The following CCDC149 variants were observed in gnomAD, a reference collection of about 807,000 sequenced individuals.
The protein encoded by CCDC149 is coiled-coil domain-containing protein 149.
Under a neutral mutation model 59.9 loss-of-function variants are expected in CCDC149, and 45 were observed. The ratio of observed to expected loss-of-function variants is 0.75; its 90% CI spans 0.59 to 0.96. The LOEUF is 0.96. Among genes scored for constraint, CCDC149 ranks in the 40% least tolerant of loss-of-function variants. The pLI, the probability that CCDC149 is intolerant of heterozygous loss-of-function variation, is 0.00. For missense variants in CCDC149, 584 were observed against 664.7 expected (o/e 0.88, Z 1.33); for synonymous variants, 245 against 260.6 (o/e 0.94, Z 0.58).
At chr4:24,978,628 T>G (rs1203611361) in intron 1 of CCDC149, among the ~76,000 whole-genome samples, 1 of 152,136 alleles carries the variant, frequency 6.6e-6, no homozygotes, top group Admixed American at 6.6e-5. Flanking sequence ...TCTCCATGGT[T>G]GTTGTCTCTA....
intron 1 of CCDC149, among the ~76,000 whole-genome samples, chr4:24,891,915 C>CT (rs1448002048): frequency 1.3e-5 from 2 of 152,028 alleles, no homozygotes; most frequent in African/African-American, 4.8e-5. Context: ...GGGAGGATCC[C>CT]TTGAGCCCAG....
chr4:24,888,731 A>G (rs925130579), intron 1 of CCDC149, among the ~76,000 whole-genome samples: 3 of 152,148 alleles, frequency 2.0e-5, no homozygotes, highest in Non-Finnish European at 4.4e-5. Context: ...TGCAACATTA[A>G]CACCCTCGCA....
At chr4:24,873,052 T>C (rs1360103422) in intron 3 of CCDC149, among the ~76,000 whole-genome samples, 1 of 147,928 alleles carries the variant, frequency 6.8e-6, no homozygotes, top group African/African-American at 2.6e-5. Context: ...ACCCACCAAA[T>C]GGTGTGCACC....
At chr4:24,813,392 G>T (rs1248476204) in intron 12 of CCDC149, among the ~76,000 whole-genome samples, 2 of 150,820 alleles carry the variant, frequency 1.3e-5, no homozygotes, top group Non-Finnish European at 2.9e-5. Context: ...CCTTGCATCT[G>T]CCCACTCTTC....
rs757068818 is a variant in CCDC149 at position 24,808,703 on chromosome 4, G to C, written c.1309C>G (p.Gln437Glu). 1 of 1,552,320 alleles carries C rather than the reference G, an allele frequency of 6.4e-7. No homozygotes were observed. The highest frequency in any genetic ancestry group is 8.7e-7 in the Non-Finnish European group (1 of 1,147,134). ...AATGAAGGATGAAAGAGCTTGCATT[G>C]GTTCCCGCGGCTCTGATTTGCTGGG... The change falls in exon 13 of 13, where the codon CAA becomes GAA. Residue 437 changes from glutamine to glutamate, a missense_variant. Transcript: ENST00000635206.
chr4:24,892,007 A>C lies in CCDC149; in HGVS notation c.64-15310T>G, dbSNP rs568348516. ...GAGTGAGACCCTGTCTCAAAAAAGAAAAAAAGGTCAAAAGAAAATTCAGTA... is the reference window on the plus strand; with the variant it reads ...GAGTGAGACCCTGTCTCAAAAAAGACAAAAAGGTCAAAAGAAAATTCAGTA... On this transcript the variant is annotated intron_variant, in intron 1 of 12. Transcript: ENST00000635206. Among the ~76,000 whole-genome samples the C allele has an allele frequency of 5.9e-5, 9 of 152,318 alleles. No homozygotes were observed. The South Asian group carries it at 1.7e-3, about 28-fold the overall frequency.
chr4:24,808,998 C>G (rs1714415661), intron 12 of CCDC149, among the ~76,000 whole-genome samples, 179 bp from the exon 13 acceptor site: 1 of 152,194 alleles, frequency 6.6e-6, no homozygotes. Context: ...CAGGTGAAAC[C>G]AGCGAGCATG....
chr4:24,834,121 GA>G (rs936145468), intron 8 of CCDC149, among the ~76,000 whole-genome samples: 2 of 152,098 alleles, frequency 1.3e-5, no homozygotes, highest in Non-Finnish European at 2.9e-5. Context: ...TGGTTGAGTG[GA>G]AAAAAGAAGT....
chr4:24,804,957 G>A (rs1334252835), downstream of CCDC149, among the ~76,000 whole-genome samples: 1 of 152,156 alleles, frequency 6.6e-6, no homozygotes, highest in Non-Finnish European at 1.5e-5. Context: ...GAGAGGCTTT[G>A]GGAATAGCTG....
rs555190495 is a variant in CCDC149 at position 24,939,229 on chromosome 4, G to A, written c.-65+40840C>T. ...GGAACGATCAGGCAGCAGCATTTGC[G>A]GTTCACCAATATCTGCTGTTCTGCA... On this transcript the variant is annotated intron_variant, in intron 1 of 12. Transcript: ENST00000389609. Among the ~76,000 whole-genome samples the A allele has an allele frequency of 3.3e-5, 5 of 152,226 alleles. No homozygotes were observed. The South Asian group carries it at 6.2e-4, about 19-fold the overall frequency.
intron 1 of CCDC149, among the ~76,000 whole-genome samples, chr4:24,892,743 C>T (rs1021509886): frequency 2.6e-5 from 4 of 152,176 alleles, no homozygotes; most frequent in African/African-American, 9.7e-5. Context: ...TCCAATGTTT[C>T]AGACTTCTGA....
rs1258599201 is a variant in CCDC149, at chr4:24,937,973, G to C, written c.-65+42096C>G. ...GCTGGGGGTGCAGAATGGTTGTGTA[G>C]GGGGCTATTTGATATTTCTGTATGT... On this transcript the variant is annotated intron_variant, in intron 1 of 12. Transcript: ENST00000389609. Among the ~76,000 whole-genome samples, 4 of 152,192 alleles carry C rather than the reference G, an allele frequency of 2.6e-5. No homozygotes were observed. The East Asian group carries it at 7.7e-4, about 29-fold the overall frequency.
intron 1 of CCDC149, among the ~76,000 whole-genome samples, chr4:24,935,470 C>G (rs1237687663): frequency 6.6e-6 from 1 of 152,110 alleles, no homozygotes; most frequent in Non-Finnish European, 1.5e-5. Flanking sequence ...TAAAACCTAA[C>G]CCCCAATATG....
At chr4:24,811,882 A>G (rs1714631736) in intron 12 of CCDC149, among the ~76,000 whole-genome samples, 1 of 151,992 alleles carries the variant, frequency 6.6e-6, no homozygotes, top group South Asian at 2.1e-4. Flanking sequence ...CAAAAAAAAA[A>G]AAAAAAAATT....
chr4:24,868,396 AAG>A (rs1718825932), intron 3 of CCDC149, among the ~76,000 whole-genome samples: 1 of 152,208 alleles, frequency 6.6e-6, no homozygotes, highest in South Asian at 2.1e-4. Flanking sequence ...TTTAAGGGAC[AAG>A]AGTCTTCTTT....
intron 1 of CCDC149, among the ~76,000 whole-genome samples, chr4:24,909,527 C>T (rs55716655): frequency 0.12 from 17,667 of 152,192 alleles, 1,434 homozygotes; most frequent in African/African-American, 0.24. Context: ...CAGGGGGCTG[C>T]AACCCCAGGC....
At chr4:24,935,128 G>A (rs1722701401) in intron 1 of CCDC149, among the ~76,000 whole-genome samples, 1 of 152,160 alleles carries the variant, frequency 6.6e-6, no homozygotes, top group African/African-American at 2.4e-5. Flanking sequence ...GCTTAGACCA[G>A]AGAAGTAGCA....
rs202052218 is a variant in CCDC149, at chr4:24,831,469, C to T, written c.965+37G>A. The T allele has an allele frequency of 8.3e-5, 134 of 1,608,728 alleles. No individual in the cohort carries two copies. The African/African-American group carries it at 1.2e-3, about 14-fold the overall frequency. On this transcript the variant is annotated intron_variant, in intron 9 of 12. Coordinates refer to ENST00000635206, the MANE Select transcript of CCDC149 (RefSeq NM_001330643.2). ...TCTGGTAGCCTCGTCCCACTTCCTT[C>T]GCGCCCACCCCCCAACACAAGAGTT...
chr4:24,922,646 C>T (rs566860802), intron 1 of CCDC149, among the ~76,000 whole-genome samples: 60 of 152,326 alleles, frequency 3.9e-4, no homozygotes, highest in African/African-American at 1.4e-3. Context: ...TGGCGAGATC[C>T]TGGAACTACT....
Sources: allele counts gnomAD v4.1 joint callset (sites outside exome capture counted in the v4.1 genomes callset), GRCh38; gene constraint gnomAD v4.1.1; transcripts MANE v1.5; gene names NCBI Gene and HGNC (gene_info 2026-07-23, HGNC 2026-07-21).